The following NREP variants were observed in gnomAD, a reference collection of about 807,000 sequenced individuals.
NREP encodes neuronal regeneration-related protein.
NREP carries 5 observed loss-of-function variants against 8.6 expected under a neutral mutation model. That is an observed-to-expected ratio of 0.58 (90% CI 0.30 to 1.22). The LOEUF (loss-of-function observed/expected upper bound fraction) is 1.22. Among genes scored for constraint, NREP ranks in the 50% most tolerant of loss-of-function variants. The pLI is 0.07. For synonymous variants in NREP, 27 were observed against 28.0 expected (o/e 0.96, Z 0.11); for missense variants, 86 against 82.5 (o/e 1.04, Z -0.17).
chr5:111,966,299 TC>T (rs1351188522), intron 2 of NREP, among the ~76,000 whole-genome samples: 1 of 152,194 alleles, frequency 6.6e-6, no homozygotes, highest in East Asian at 1.9e-4. Flanking sequence ...CTGGAGAATA[TC>T]TATTGATTAA....
chr5:111,757,830 TGGA>T, upstream of NREP: 5 of 961,392 alleles, frequency 5.2e-6, no homozygotes, highest in South Asian at 4.8e-5. Context: ...AATAAGGAGG[TGGA>T]GGAGGCGGTT....
At chr5:111,839,645 T>G (rs1485308476) in intron 2 of NREP, among the ~76,000 whole-genome samples, 1 of 152,064 alleles carries the variant, frequency 6.6e-6, no homozygotes, top group Non-Finnish European at 1.5e-5. Context: ...TCCTATACAT[T>G]CCAAAAGAAG....
At chr5:111,739,280 T>TTGA (rs1357593127) in intron 2 of NREP, 30 of 152,170 alleles carry the variant, frequency 2.0e-4, no homozygotes, top group African/African-American at 7.2e-4. Context: ...GGGAGGGCAT[T>TTGA]TGATGGCTGT....
intron 2 of NREP, among the ~76,000 whole-genome samples, chr5:111,926,650 G>T (rs1042956107): frequency 2.0e-5 from 3 of 152,026 alleles, no homozygotes; most frequent in Non-Finnish European, 2.9e-5. Context: ...GACTTCCAGT[G>T]CTTCAGAATG....
At chr5:111,834,170 G>T (rs2112939562) in intron 2 of NREP, among the ~76,000 whole-genome samples, 1 of 152,302 alleles carries the variant, frequency 6.6e-6, no homozygotes, top group Middle Eastern at 3.4e-3. Context: ...TACTGCTATT[G>T]CCATGAGTAA....
chr5:111,831,082 C>G (rs1752756189), intron 2 of NREP, among the ~76,000 whole-genome samples: 1 of 152,170 alleles, frequency 6.6e-6, no homozygotes, highest in South Asian at 2.1e-4. Flanking sequence ...CCATAATGAC[C>G]TCTACAAGCT....
At chr5:111,952,439 T>C (rs1271972430) in intron 2 of NREP, among the ~76,000 whole-genome samples, 1 of 152,180 alleles carries the variant, frequency 6.6e-6, no homozygotes, top group Non-Finnish European at 1.5e-5. Flanking sequence ...TTATCTTGTG[T>C]TGGAATAGCA....
At chr5:111,844,560 T>C (rs1243030509) in intron 2 of NREP, among the ~76,000 whole-genome samples, 1 of 150,560 alleles carries the variant, frequency 6.6e-6, no homozygotes, top group Non-Finnish European at 1.5e-5. Context: ...CAAAGAGTTG[T>C]TGGTGATCCC....
chr5:111,853,193 A>C (rs774455934), intron 2 of NREP, among the ~76,000 whole-genome samples: 1 of 152,138 alleles, frequency 6.6e-6, no homozygotes, highest in African/African-American at 2.4e-5. Flanking sequence ...AGGCAAAACT[A>C]TATAGACAGT....
intron 2 of NREP, among the ~76,000 whole-genome samples, chr5:111,970,229 T>G (rs1231497172): frequency 6.6e-6 from 1 of 151,998 alleles, no homozygotes; most frequent in Non-Finnish European, 1.5e-5. Context: ...TGGTTCTAAT[T>G]TTTTTTTGAA....
intron 2 of NREP, among the ~76,000 whole-genome samples, chr5:111,814,158 A>C (rs532274105): frequency 1.8e-4 from 27 of 152,224 alleles, no homozygotes; most frequent in African/African-American, 6.3e-4. Context: ...AAAAATCAAA[A>C]GGCACTAGTT....
At chr5:111,752,993 T>C (rs1484073952) in intron 2 of NREP, among the ~76,000 whole-genome samples, 2 of 151,846 alleles carry the variant, frequency 1.3e-5, no homozygotes, top group East Asian at 3.9e-4. Flanking sequence ...TCATAGCAAT[T>C]AAAATTTAGC....
intron 2 of NREP, among the ~76,000 whole-genome samples, chr5:111,974,203 A>G (rs1309793969): frequency 2.0e-5 from 3 of 152,322 alleles, no homozygotes; most frequent in Middle Eastern, 3.4e-3. Flanking sequence ...GGGTCTGGTC[A>G]AGCACTTTAA....
rs1197524323 is a variant in NREP, at chr5:111,881,923, C to T, written c.135+93351G>A. 3.9e-5 allele frequency among the ~76,000 whole-genome samples: 6 copies of T among 152,286 alleles called. No homozygotes were observed. In the South Asian group the frequency reaches 1.2e-3, roughly 32 times the overall value. On this transcript the variant is annotated intron_variant, in intron 2 of 3. Transcript: ENST00000395634. Reference sequence around the variant, plus strand: ...CTGGAAACTCTAAAAAGCAGAGCACCTCTCCTCCTCCAAAGGATCACAGTT... The same window carrying T: ...CTGGAAACTCTAAAAAGCAGAGCACTTCTCCTCCTCCAAAGGATCACAGTT...
intron 2 of NREP, among the ~76,000 whole-genome samples, chr5:111,838,025 G>C (rs769036699): frequency 1.3e-5 from 2 of 151,770 alleles, no homozygotes; most frequent in Non-Finnish European, 2.9e-5. Context: ...AAATACAGGG[G>C]TTAGATTAGC....
chr5:111,735,131 T>G (rs1237802610), intron 3 of NREP: 1 of 326,766 alleles, frequency 3.1e-6, no homozygotes, highest in Non-Finnish European at 5.6e-6. Flanking sequence ...ATCATTGTAT[T>G]TGAGTTTGTC....
chr5:111,889,468 A>G (rs772718304), intron 2 of NREP, among the ~76,000 whole-genome samples: 7 of 152,148 alleles, frequency 4.6e-5, no homozygotes, highest in Admixed American at 6.5e-5. Flanking sequence ...GGAAGGGACA[A>G]ATATCCAAAC....
At chr5:111,757,587 C>A (rs1359857645), upstream of NREP, 12 of 983,928 alleles carry the variant, frequency 1.2e-5, no homozygotes, top group Non-Finnish European at 1.3e-5. Context: ...GGCTCTGGGC[C>A]CCGTCGGCGA....
intron 2 of NREP, among the ~76,000 whole-genome samples, chr5:111,753,910 C>T (rs1291426219): frequency 6.6e-6 from 1 of 151,828 alleles, no homozygotes; most frequent in Non-Finnish European, 1.5e-5. Context: ...AAAGTGAAAC[C>T]TTTTTTTACA....
Sources: gnomAD v4.1 joint callset for allele counts (sites outside exome capture counted in the v4.1 genomes callset) on GRCh38, gnomAD v4.1.1 for gene constraint, MANE v1.5 for transcripts, NCBI Gene and HGNC (gene_info 2026-07-23, HGNC 2026-07-21) for gene names.